Variants in LRRC75A observed in about 807,000 individuals in gnomAD.
LRRC75A encodes the protein leucine-rich repeat-containing protein 75A.
A neutral mutation model predicts 26.0 loss-of-function variants in LRRC75A; 12 were observed. The ratio of observed to expected loss-of-function variants is 0.46; its 90% CI spans 0.30 to 0.75. The LOEUF is 0.75. LRRC75A is among the 30% of genes least tolerant of loss of function. LRRC75A has a pLI of 0.08. For synonymous variants in LRRC75A, 223 were observed against 219.3 expected (o/e 1.02, Z -0.15); for missense variants, 410 against 486.6 (o/e 0.84, Z 1.48).
rs564081526 is a variant in LRRC75A, at chr17:16,469,616, G to A, written c.247-7230C>T. 2.6e-5 allele frequency among the ~76,000 whole-genome samples: 4 copies of A among 152,304 alleles called. No individual in the cohort carries two copies. The South Asian group carries it at 8.3e-4, about 32-fold the overall frequency. ...AGTCCAGCCCCAGGATGAGTCTCAGGCACTGTGCTTATGTGACTCTGACCT... is the reference window on the plus strand; with the variant it reads ...AGTCCAGCCCCAGGATGAGTCTCAGACACTGTGCTTATGTGACTCTGACCT... On this transcript the variant is annotated intron_variant, in intron 1 of 3. Transcript: ENST00000470794.
At chr17:16,448,007 C>T in intron 2 of LRRC75A, 47 bp from the exon 3 acceptor site, 1 of 1,468,174 alleles carries the variant, frequency 6.8e-7, no homozygotes, top group South Asian at 1.2e-5. Context: ...GCTGGGTGCA[C>T]CAGTCTCAGC....
At chr17:16,464,716 A>G (rs2093754662) in intron 1 of LRRC75A, among the ~76,000 whole-genome samples, 1 of 152,218 alleles carries the variant, frequency 6.6e-6, no homozygotes, top group Non-Finnish European at 1.5e-5. Flanking sequence ...CGGGGACCTG[A>G]GCACACAGAG....
intron 1 of LRRC75A, among the ~76,000 whole-genome samples, chr17:16,465,433 C>T (rs551695210): frequency 2.6e-5 from 4 of 152,316 alleles, no homozygotes; most frequent in African/African-American, 7.2e-5. Flanking sequence ...TTGAGGCTGA[C>T]GGTCAGGGGC....
intron 3 of LRRC75A, 76 bp from the exon 4 acceptor site, chr17:16,444,207 TGCTCG>T (rs1187234829): frequency 4.0e-6 from 5 of 1,244,852 alleles, no homozygotes; most frequent in South Asian, 3.0e-5. Flanking sequence ...TGCCAGCCTC[TGCTCG>T]GCTCTCCGAC....
rs908446457 is a variant in LRRC75A, at chr17:16,443,767, G to A, written c.856C>T (p.Arg286Cys). 1.2e-5 allele frequency: 19 copies of A among 1,613,654 alleles called. No individual in the cohort carries two copies. The highest frequency in any genetic ancestry group is 1.5e-5 in the Non-Finnish European group (18 of 1,179,704). Residue 286 changes from arginine (R) to cysteine (C), a missense_variant, in exon 4 of 4, where the codon CGC becomes TGC. By Grantham distance (180) the Arg-to-Cys change is radical (BLOSUM62 -3). Transcript: ENST00000470794. ...SLPQPFLLSL[R>C]KRSPKQGHLP... ...TGGCCCTGCTTTGGGGAGCGCTTGCGCAGGCTGAGCAGGAAGGGCTGGGGC... is the reference window on the plus strand; with the variant it reads ...TGGCCCTGCTTTGGGGAGCGCTTGCACAGGCTGAGCAGGAAGGGCTGGGGC...
chr17:16,466,223 G>A (rs1186543428), intron 1 of LRRC75A, among the ~76,000 whole-genome samples: 1 of 152,168 alleles, frequency 6.6e-6, no homozygotes, highest in Non-Finnish European at 1.5e-5. Context: ...CACAGGGCTG[G>A]GTGTGAGGGA....
chr17:16,469,639 C>T (rs142037182), intron 1 of LRRC75A, among the ~76,000 whole-genome samples: 146 of 152,332 alleles, frequency 9.6e-4, no homozygotes, highest in Non-Finnish European at 1.7e-3. Flanking sequence ...GTGACTCTGA[C>T]CTTGAGAAGG....
chr17:16,467,532 AT>A (rs1054007619), intron 1 of LRRC75A, among the ~76,000 whole-genome samples: 116 of 152,304 alleles, frequency 7.6e-4, no homozygotes, highest in African/African-American at 2.6e-3. Flanking sequence ...GAATACACAG[AT>A]GCTTTCTCTT....
chr17:16,449,051 C>A (rs2093609918), intron 2 of LRRC75A, among the ~76,000 whole-genome samples: 1 of 152,180 alleles, frequency 6.6e-6, no homozygotes, highest in African/African-American at 2.4e-5. Flanking sequence ...GAGTGAGGAC[C>A]AAAAGCGTGC....
At chr17:16,479,108 TC>T (rs1473165576) in intron 1 of LRRC75A, among the ~76,000 whole-genome samples, 1 of 152,198 alleles carries the variant, frequency 6.6e-6, no homozygotes, top group Non-Finnish European at 1.5e-5. Context: ...GCTGGTGCCC[TC>T]GGTGCCCCTG....
At chr17:16,480,404 C>T (rs554886871) in intron 1 of LRRC75A, among the ~76,000 whole-genome samples, 5 of 152,084 alleles carry the variant, frequency 3.3e-5, no homozygotes, top group South Asian at 2.1e-4. Context: ...CCGAGGTGGG[C>T]GGAATGCCTG....
Position 16,488,359 on chromosome 17 carries a change from G to A in LRRC75A, c.246+3386C>T, listed in dbSNP as rs563216344. Among the ~76,000 whole-genome samples, 139 of 152,342 alleles carry A rather than the reference G, an allele frequency of 9.1e-4. 1 individual carries two copies. Among genetic ancestry groups the A allele is most frequent in the African/African-American group, 3.1e-3 (131 of 41,588 alleles). On this transcript the variant is annotated intron_variant, in intron 1 of 3. Transcript: ENST00000470794. ...AGTTTTTGATCCAGACTGAACCCTGGCCAGGTAGATGGAATCCAAAAAATT... is the reference window on the plus strand; with the variant it reads ...AGTTTTTGATCCAGACTGAACCCTGACCAGGTAGATGGAATCCAAAAAATT...
chr17:16,491,848 A>AC lies in LRRC75A; in HGVS notation c.142_143insG (p.Met48SerfsTer205). On this transcript the variant is annotated frameshift_variant, in exon 1 of 4. Coordinates refer to ENST00000470794, the MANE Select transcript of LRRC75A (RefSeq NM_001113567.3). LOFTEE classifies it high-confidence loss of function. This position sits in a 1 kb window ranked among gnomAD's most constrained non-coding sequence, Gnocchi z 5.9. The stretch of plus-strand genomic sequence containing the variant: ...GCCGACTCGCCGGTGGTAGGGGGGC[A>AC]TCCCCGCGCCCGCGCGCCCCGCCTT... 2.9e-6 allele frequency: 4 copies of AC among 1,397,712 alleles called. No homozygotes were observed. The highest frequency in any genetic ancestry group is 3.7e-6 in the Non-Finnish European group (4 of 1,072,108). The allele number at this position is 1,397,712 out of a possible 1,614,324, so 86.6% of individuals were successfully genotyped here.
rs569010703 is a variant in LRRC75A at position 16,467,815 on chromosome 17, G to A, written c.247-5429C>T. 1.3e-4 allele frequency among the ~76,000 whole-genome samples: 20 copies of A among 152,302 alleles called. No individual in the cohort carries two copies. In the East Asian group the frequency reaches 1.7e-3, roughly 13 times the overall value. On this transcript the variant is annotated intron_variant, in intron 1 of 3. Coordinates refer to ENST00000470794, the MANE Select transcript of LRRC75A (RefSeq NM_001113567.3). ...CCTGGGAATATCAGTTCAGCATATA[G>A]GAGGCCTCTGAAGCAACTGATATCT...
Position 16,491,064 on chromosome 17 carries a change from TAAG to T in LRRC75A, c.246+678_246+680del, listed in dbSNP as rs1168479803. Among the ~76,000 whole-genome samples the T allele has an allele frequency of 2.0e-5, 3 of 152,340 alleles. 1 individual carries two copies. In the South Asian group the frequency reaches 6.2e-4, roughly 32 times the overall value. ...CCTAGCCAGTGGGACAGGCACAGGC[TAAG>T]GACAGAGTCCTGGCAGTCTCCTGAA... On this transcript the variant is annotated intron_variant, in intron 1 of 3. Transcript: ENST00000470794. The surrounding 1 kb of genome is among the most constrained non-coding windows in gnomAD (Gnocchi z 5.9).
chr17:16,443,691 ACCT>A lies in LRRC75A; in HGVS notation c.929_931del (p.Glu310del). ...CTCCTGGCCTACTGTCCCTTCCCGG[ACCT>A]CCTCCCCACTGCCTGGGCCCTCACC... On this transcript the variant is annotated inframe_deletion, in exon 4 of 4. Coordinates refer to ENST00000470794, the MANE Select transcript of LRRC75A (RefSeq NM_001113567.3). 3.7e-6 allele frequency: 6 copies of A among 1,607,482 alleles called. No individual in the cohort carries two copies. Among genetic ancestry groups the A allele is most frequent in the Admixed American group, 1.7e-5 (1 of 58,790 alleles).
chr17:16,490,907 T>C (rs1014351995), intron 1 of LRRC75A, among the ~76,000 whole-genome samples: 7 of 152,190 alleles, frequency 4.6e-5, no homozygotes, highest in East Asian at 1.9e-4. Flanking sequence ...ACAAAATCCA[T>C]GGCATGGGCC....
intron 1 of LRRC75A, among the ~76,000 whole-genome samples, chr17:16,487,425 A>G (rs1312559690): frequency 6.6e-6 from 1 of 152,130 alleles, no homozygotes; most frequent in African/African-American, 2.4e-5. Flanking sequence ...GTGTCTGTCC[A>G]TTGCTCAGCT....
At chr17:16,451,837 C>A (rs1461803064) in intron 2 of LRRC75A, among the ~76,000 whole-genome samples, 2 of 150,466 alleles carry the variant, frequency 1.3e-5, no homozygotes, top group Non-Finnish European at 3.0e-5. Context: ...CTCCGCCTCC[C>A]GGGTTCACGC....
Sources: gnomAD v4.1 joint callset for allele counts (sites outside exome capture counted in the v4.1 genomes callset) on GRCh38, gnomAD v4.1.1 for gene constraint, Gnocchi (gnomAD v3.1) non-coding constraint, MANE v1.5 for transcripts, NCBI Gene and HGNC (gene_info 2026-07-23, HGNC 2026-07-21) for gene names.